Variants in DHX35 observed in about 807,000 individuals in gnomAD.
DHX35 encodes probable ATP-dependent RNA helicase DHX35.
A neutral mutation model predicts 99.6 loss-of-function variants in DHX35; 84 were observed. The observed-to-expected ratio is 0.84, with a 90% CI of 0.71 to 1.01. DHX35 has a LOEUF of 1.01. DHX35 is among the 50% of genes least tolerant of loss of function. DHX35 has a pLI of 0.00. For missense variants in DHX35, 852 were observed against 888.5 expected, an observed-to-expected ratio of 0.96 and a Z score of 0.52; for synonymous variants, 331 against 316.2, an observed-to-expected ratio of 1.05 and a Z score of -0.50.
chr20:38,975,946 G>C (rs547809471), intron 3 of DHX35, among the ~76,000 whole-genome samples: 24 of 152,296 alleles, frequency 1.6e-4, no homozygotes, highest in African/African-American at 3.9e-4. Context: ...ATAGGGATGG[G>C]TGGCAGGTAT....
At chr20:39,030,914 G>C (rs55994603) in intron 20 of DHX35, 139 bp downstream of exon 20, 1 of 907,562 alleles carries the variant, frequency 1.1e-6, no homozygotes, top group South Asian at 1.6e-5. Flanking sequence ...TGTAATCCCA[G>C]CACTTTGGGA....
chr20:39,016,733 C>A (rs2086791534), intron 14 of DHX35, among the ~76,000 whole-genome samples: 1 of 152,086 alleles, frequency 6.6e-6, no homozygotes, highest in African/African-American at 2.4e-5. Flanking sequence ...GAAATGGTAT[C>A]TCTTGGTTTT....
At chr20:38,963,544 C>T (rs930424109) in intron 1 of DHX35, among the ~76,000 whole-genome samples, 1 of 152,184 alleles carries the variant, frequency 6.6e-6, no homozygotes, top group Admixed American at 6.5e-5. Context: ...TATTTGCATC[C>T]AAAACTAGGA....
chr20:38,965,488 C>T (rs1311397448), intron 1 of DHX35, among the ~76,000 whole-genome samples: 1 of 152,110 alleles, frequency 6.6e-6, no homozygotes, highest in African/African-American at 2.4e-5. Context: ...GTGGTGGGGA[C>T]TGTGGCAGAG....
intron 12 of DHX35, among the ~76,000 whole-genome samples, chr20:39,006,804 G>A (rs781290751): frequency 2.0e-5 from 3 of 152,192 alleles, no homozygotes; most frequent in African/African-American, 7.2e-5. Context: ...AGGTCTGTCC[G>A]GAGACTCATT....
At chr20:39,023,582 G>C in intron 16 of DHX35, 108 bp from the exon 17 acceptor site, 1 of 1,001,930 alleles carries the variant, frequency 1.0e-6, no homozygotes, top group Admixed American at 1.9e-5. Flanking sequence ...CGAACTTCTG[G>C]GTTCAGGCAA....
chr20:39,033,486 C>A (rs1318822205), intron 20 of DHX35, among the ~76,000 whole-genome samples: 1 of 151,994 alleles, frequency 6.6e-6, no homozygotes, highest in Non-Finnish European at 1.5e-5. Context: ...AGGGGGGGCC[C>A]TTCTTTTTCC....
intron 12 of DHX35, among the ~76,000 whole-genome samples, chr20:39,007,256 G>T (rs2086633598): frequency 6.6e-6 from 1 of 152,152 alleles, no homozygotes; most frequent in African/African-American, 2.4e-5. Context: ...GCAGATGTTT[G>T]CAGAGCACCT....
At chr20:38,990,719 A>G (rs971663344) in intron 5 of DHX35, among the ~76,000 whole-genome samples, 5 of 152,236 alleles carry the variant, frequency 3.3e-5, no homozygotes, top group African/African-American at 4.8e-5. Flanking sequence ...TGCAAATACT[A>G]TGCCATCTTA....
intron 12 of DHX35, among the ~76,000 whole-genome samples, chr20:39,007,392 A>G (rs2086636053): frequency 6.6e-6 from 1 of 152,194 alleles, no homozygotes; most frequent in Non-Finnish European, 1.5e-5. Context: ...TTATGGTATG[A>G]TAGGGAGCCA....
intron 9 of DHX35, 36 bp downstream of exon 9, chr20:39,001,878 A>G: frequency 6.7e-7 from 1 of 1,484,734 alleles, no homozygotes; most frequent in Non-Finnish European, 9.4e-7. Flanking sequence ...GATGGTGTTT[A>G]GAAAACTCAG....
intron 21 of DHX35, among the ~76,000 whole-genome samples, chr20:39,034,979 C>T (rs9798566): frequency 0.14 from 21,883 of 151,958 alleles, 1,669 homozygotes; most frequent in East Asian, 0.29. Flanking sequence ...AGGCTAGTCT[C>T]GAATAACTGG....
At position 39,003,844 on chromosome 20, in the gene DHX35, T is replaced by A; in HGVS notation, c.948T>A (p.Tyr316Ter). 6.2e-7 allele frequency: 1 copy of A among 1,614,228 alleles called. No individual in the cohort carries two copies. Among genetic ancestry groups the A allele is most frequent in the South Asian group, 1.1e-5 (1 of 91,090 alleles). ...GACACCTCCGAGTTCTCCCCATGTATGCAGGACTGCCTTCCTTTGAGCAAA... is the reference window on the plus strand; with the variant it reads ...GACACCTCCGAGTTCTCCCCATGTAAGCAGGACTGCCTTCCTTTGAGCAAA... ...MKRHLRVLPM[Y>*]AGLPSFEQMK... The change falls in exon 11 of 22, where the codon TAT becomes TAA. Residue 316 changes from tyrosine to a stop codon, truncating the protein, a stop_gained. Coordinates refer to ENST00000252011, the MANE Select transcript of DHX35 (RefSeq NM_021931.4). LOFTEE classifies it high-confidence loss of function.
At chr20:39,028,117 G>A (rs1016486372) in intron 18 of DHX35, among the ~76,000 whole-genome samples, 28 of 152,202 alleles carry the variant, frequency 1.8e-4, no homozygotes, top group African/African-American at 6.8e-4. Context: ...GCACTCTTAG[G>A]TTCTGGTGCC....
chr20:38,971,999 GTTTTGTTTTTTTT>G lies in DHX35; in HGVS notation c.175-555_175-543del, dbSNP rs1373645090. Among the ~76,000 whole-genome samples the G allele has an allele frequency of 6.6e-4, 68 of 102,980 alleles. No individual in the cohort carries two copies. The East Asian group carries it at 0.015, about 23-fold the overall frequency. 67.6% of individuals were successfully genotyped at this position (102,980 alleles called of 152,430 possible). A position where few individuals can be genotyped will look rare whatever the true frequency, so the allele number is the denominator to read the frequency against. On this transcript the variant is annotated intron_variant, in intron 2 of 21. Transcript: ENST00000252011. The stretch of plus-strand genomic sequence containing the variant: ...TATAATTTCTTGTTTTTTTTGTTTT[GTTTTGTTTTTTTT>G]TTTTTTTTTTTTTTGAGACAGAGTC...
chr20:39,023,780 A>C lies in DHX35; in HGVS notation c.1671+13A>C. The stretch of plus-strand genomic sequence containing the variant: ...AGCATTTATCAAAGTAAGCACAACT[A>C]CTGCTCGAAGTGCCGCCTCAACACA... On this transcript the variant is annotated intron_variant, in intron 17 of 21. Transcript: ENST00000252011. The C allele has an allele frequency of 2.5e-6, 4 of 1,611,872 alleles. No individual in the cohort carries two copies. In the South Asian group the frequency reaches 4.4e-5, roughly 18 times the overall value.
chr20:39,016,469 AC>A (rs950249526), intron 14 of DHX35, among the ~76,000 whole-genome samples: 3 of 152,188 alleles, frequency 2.0e-5, no homozygotes, highest in African/African-American at 7.2e-5. Context: ...GTATATTCAT[AC>A]CTTATCCCCT....
chr20:39,036,012 A>G (rs1382267169), intron 21 of DHX35, among the ~76,000 whole-genome samples: 1 of 152,206 alleles, frequency 6.6e-6, no homozygotes, highest in Non-Finnish European at 1.5e-5. Flanking sequence ...GGTGAAAGAA[A>G]GGCTTTTCCT....
At chr20:39,026,675 G>A (rs750714441) in intron 18 of DHX35, among the ~76,000 whole-genome samples, 6 of 152,228 alleles carry the variant, frequency 3.9e-5, no homozygotes, top group Admixed American at 3.3e-4. Flanking sequence ...GTGGCAAAGA[G>A]CACTCTAGGG....
Sources: gnomAD v4.1 joint callset for allele counts (sites outside exome capture counted in the v4.1 genomes callset) on GRCh38, gnomAD v4.1.1 for gene constraint, MANE v1.5 for transcripts, NCBI Gene and HGNC (gene_info 2026-07-23, HGNC 2026-07-21) for gene names.